The following COPS7B variants were observed in gnomAD, a reference collection of about 807,000 sequenced individuals.
COPS7B encodes COP9 signalosome subunit 7B.
A neutral mutation model predicts 33.4 loss-of-function variants in COPS7B; 9 were observed. The ratio of observed to expected loss-of-function variants is 0.27; its 90% CI spans 0.16 to 0.47. The LOEUF is 0.47. COPS7B is among the 20% of genes least tolerant of loss of function. COPS7B has a pLI of 0.99. For synonymous variants in COPS7B, 119 were observed against 126.3 expected, an observed-to-expected ratio of 0.94 and a Z score of 0.39; for missense variants, 242 against 318.2, an observed-to-expected ratio of 0.76 and a Z score of 1.82.
At chr2:231,806,018 A>C (rs2049885066) in intron 6 of COPS7B, among the ~76,000 whole-genome samples, 1 of 151,938 alleles carries the variant, frequency 6.6e-6, no homozygotes, top group Non-Finnish European at 1.5e-5. Flanking sequence ...TACAGCGTTG[A>C]TTGAGGTTAC....
rs1476422710 is a variant in COPS7B, at chr2:231,790,830, C to T, written c.163-903C>T. The T allele has an allele frequency of 3.3e-5, 5 of 151,444 alleles. No individual in the cohort carries two copies. The East Asian group carries it at 9.7e-4, about 29-fold the overall frequency. 9.4% of individuals were successfully genotyped at this position (151,444 alleles called of 1,614,324 possible). A position where few individuals can be genotyped will look rare whatever the true frequency, so the allele number is the denominator to read the frequency against. ...CTCGGCTCACTGCAAGCTCCGCTTC[C>T]CGGGTTCACGCCATTCTCCTGCCTC... On this transcript the variant is annotated intron_variant, in intron 2 of 6. Transcript: ENST00000350033.
At chr2:231,787,030 T>G (rs1006065215) in intron 1 of COPS7B, among the ~76,000 whole-genome samples, 1 of 152,132 alleles carries the variant, frequency 6.6e-6, no homozygotes, top group African/African-American at 2.4e-5. Flanking sequence ...TGGGACTCTT[T>G]GCAGAGATCC....
chr2:231,797,604 C>T (rs1437286507), intron 5 of COPS7B, among the ~76,000 whole-genome samples: 1 of 152,122 alleles, frequency 6.6e-6, no homozygotes, highest in African/African-American at 2.4e-5. Context: ...AACTGGTTAC[C>T]ATGGGATGTT....
At chr2:231,792,833 T>C (rs2049456818) in intron 3 of COPS7B, among the ~76,000 whole-genome samples, 1 of 152,192 alleles carries the variant, frequency 6.6e-6, no homozygotes, top group Admixed American at 6.5e-5. Flanking sequence ...CCTTTTTTAA[T>C]GGTATGACTG....
rs1012536626 is a variant in COPS7B, at chr2:231,800,249, G to A, written c.636+1285G>A. Among the ~76,000 whole-genome samples, 5 of 152,312 alleles carry A rather than the reference G, an allele frequency of 3.3e-5. No homozygotes were observed. In the East Asian group the frequency reaches 9.6e-4, roughly 29 times the overall value. On this transcript the variant is annotated intron_variant, in intron 6 of 6. Coordinates refer to ENST00000350033, the MANE Select transcript of COPS7B (RefSeq NM_022730.4). ...GTTCGAGACCAGCCTGGGCAAGGAA[G>A]TGTTAACTATATTTAACATTAGTCC...
rs151262636 is a variant in COPS7B, at chr2:231,798,892, C to A, written c.564C>A (p.Ile188=). ...CDGCEAVLLG[I]EQQVLRANQY... ...GCTGTGAAGCAGTTCTACTGGGCAT[C>A]GAGCAGCAAGTTCTGAGAGCCAACC... The change falls in exon 6 of 7, where the codon ATC becomes ATA. Residue 188 remains isoleucine (I), a synonymous_variant. Transcript: ENST00000350033. 4.0e-5 allele frequency: 65 copies of A among 1,613,998 alleles called. No individual in the cohort carries two copies. Among genetic ancestry groups the A allele is most frequent in the African/African-American group, 5.3e-5 (4 of 74,894 alleles).
At chr2:231,793,210 T>G (rs1427186299) in intron 3 of COPS7B, among the ~76,000 whole-genome samples, 1 of 152,198 alleles carries the variant, frequency 6.6e-6, no homozygotes, top group Non-Finnish European at 1.5e-5. Flanking sequence ...TGTTTCAGAA[T>G]TTAGAATTTT....
At chr2:231,781,907 A>G (rs772836799), upstream of COPS7B, 1 of 1,546,966 alleles carries the variant, frequency 6.5e-7, no homozygotes. Flanking sequence ...CAACAAACAA[A>G]AACACTGATT....
At chr2:231,791,382 A>T (rs2049411476) in intron 2 of COPS7B, among the ~76,000 whole-genome samples, 1 of 152,190 alleles carries the variant, frequency 6.6e-6, no homozygotes, top group Admixed American at 6.5e-5. Context: ...TGGTATGTAG[A>T]TAGGGCTGCT....
At chr2:231,790,538 A>T (rs966300616) in intron 2 of COPS7B, 1 of 152,096 alleles carries the variant, frequency 6.6e-6, no homozygotes, top group Non-Finnish European at 1.5e-5. Context: ...GCGTTTTTCC[A>T]TATGTGAGCT....
chr2:231,789,326 A>G (rs2049342342), intron 2 of COPS7B, among the ~76,000 whole-genome samples: 4 of 152,258 alleles, frequency 2.6e-5, no homozygotes, highest in Admixed American at 2.0e-4. Context: ...CATTGAACAG[A>G]AGGAACAAAG....
chr2:231,784,102 G>C (rs1462296892), upstream of COPS7B, among the ~76,000 whole-genome samples: 2 of 150,940 alleles, frequency 1.3e-5, no homozygotes, highest in African/African-American at 4.9e-5. Context: ...AGTTGTGCCG[G>C]GCATGGGAGT....
chr2:231,782,911 C>G (rs2049162680), upstream of COPS7B, among the ~76,000 whole-genome samples: 1 of 152,086 alleles, frequency 6.6e-6, no homozygotes, highest in African/African-American at 2.4e-5. Flanking sequence ...CTACCCAAAT[C>G]AAGATATAGA....
At chr2:231,805,982 C>A (rs1271976831) in intron 6 of COPS7B, among the ~76,000 whole-genome samples, 1 of 151,980 alleles carries the variant, frequency 6.6e-6, no homozygotes, top group Non-Finnish European at 1.5e-5. Flanking sequence ...GCCCACAGTC[C>A]TCTGTCATTC....
chr2:231,785,387 A>G (rs1377418695), upstream of COPS7B, among the ~76,000 whole-genome samples: 2 of 152,188 alleles, frequency 1.3e-5, no homozygotes, highest in Non-Finnish European at 2.9e-5. Context: ...TTTTGACATC[A>G]GTATATGCTG....
intron 6 of COPS7B, among the ~76,000 whole-genome samples, chr2:231,804,310 C>T (rs980520992): frequency 6.6e-6 from 1 of 150,720 alleles, no homozygotes; most frequent in Non-Finnish European, 1.5e-5. Flanking sequence ...TGCAGTGGCG[C>T]GATCTTGGCT....
chr2:231,787,382 G>A (rs956709106), intron 1 of COPS7B, among the ~76,000 whole-genome samples: 3 of 152,076 alleles, frequency 2.0e-5, no homozygotes, highest in African/African-American at 4.8e-5. Context: ...CTACTATACC[G>A]TTTTTCGTTC....
chr2:231,782,044 A>G (rs1408752367), upstream of COPS7B, among the ~76,000 whole-genome samples: 1 of 152,196 alleles, frequency 6.6e-6, no homozygotes, highest in Non-Finnish European at 1.5e-5. Flanking sequence ...TATGGATTGT[A>G]TACTCAGAAT....
At chr2:231,790,766 C>T (rs2049390846) in intron 2 of COPS7B, 1 of 147,828 alleles carries the variant, frequency 6.8e-6, no homozygotes. Context: ...GAGTCTCGCT[C>T]TGTCGCCCAG....
Sources: gnomAD v4.1 joint callset for allele counts (sites outside exome capture counted in the v4.1 genomes callset) on GRCh38, gnomAD v4.1.1 for gene constraint, MANE v1.5 for transcripts, NCBI Gene and HGNC (gene_info 2026-07-23, HGNC 2026-07-21) for gene names.